Variants in FARP2 observed in about 807,000 individuals in gnomAD.
FARP2 encodes the protein FERM, ARHGEF and pleckstrin domain-containing protein 2.
In FARP2, 111 loss-of-function variants were observed where a neutral mutation model predicts 130.5. The ratio of observed to expected loss-of-function variants is 0.85; its 90% CI spans 0.73 to 1.00. FARP2 has a LOEUF of 1.00. Ranked by LOEUF, FARP2 falls within the 50% of genes least tolerant of loss-of-function variation. The probability of loss-of-function intolerance (pLI) is 0.00; values close to 1 mark genes in which losing one functional copy is unlikely to be tolerated. For missense variants in FARP2, 1,385 were observed against 1,346.3 expected (o/e 1.03, Z -0.45); for synonymous variants, 504 against 516.9 (o/e 0.98, Z 0.34).
intron 1 of FARP2, among the ~76,000 whole-genome samples, chr2:241,370,986 G>T (rs2061411372): frequency 6.6e-6 from 1 of 152,108 alleles, no homozygotes; most frequent in South Asian, 2.1e-4. Flanking sequence ...AATTAGGATG[G>T]GACCTTGCAC....
rs958458670 is a variant in FARP2 at position 241,441,620 on chromosome 2, G to C, written c.1411+64G>C. 6 of 1,611,202 alleles carry C rather than the reference G, an allele frequency of 3.7e-6. No individual in the cohort carries two copies. The African/African-American group carries it at 8.0e-5, about 22-fold the overall frequency. On this transcript the variant is annotated intron_variant, in intron 13 of 26. Coordinates refer to ENST00000264042, the MANE Select transcript of FARP2 (RefSeq NM_014808.4). Reference sequence around the variant, plus strand: ...GTCTGTGCTGGGGGGCAGAGTTTCAGTGCCTTAGACCTAGACACAGGGAGG... The same window carrying C: ...GTCTGTGCTGGGGGGCAGAGTTTCACTGCCTTAGACCTAGACACAGGGAGG...
intron 14 of FARP2, among the ~76,000 whole-genome samples, chr2:241,460,005 C>T (rs1342278402): frequency 5.3e-5 from 8 of 152,096 alleles, no homozygotes; most frequent in Admixed American, 3.3e-4. Context: ...CTCCGGGACT[C>T]GAGCATCCTG....
chr2:241,484,396 C>G, intron 21 of FARP2, 65 bp downstream of exon 21: 1 of 1,349,284 alleles, frequency 7.4e-7, no homozygotes. Flanking sequence ...ACCTACCTCT[C>G]TCCTGCAGAG....
At chr2:241,449,314 AAAAG>A (rs1460149600) in intron 13 of FARP2, among the ~76,000 whole-genome samples, 30 of 152,252 alleles carry the variant, frequency 2.0e-4, no homozygotes, top group Non-Finnish European at 2.9e-4. Context: ...GGAAAAAAAA[AAAAG>A]AAAGACAAAA....
At chr2:241,377,467 G>A (rs912888980) in intron 2 of FARP2, among the ~76,000 whole-genome samples, 7 of 151,838 alleles carry the variant, frequency 4.6e-5, no homozygotes, top group Admixed American at 1.3e-4. Context: ...TCAGCCTCCC[G>A]AGTAGCTGGG....
At chr2:241,399,267 G>A (rs553501436) in intron 2 of FARP2, among the ~76,000 whole-genome samples, 1 of 152,236 alleles carries the variant, frequency 6.6e-6, no homozygotes, top group East Asian at 1.9e-4. Context: ...CTTATGATTT[G>A]TAGATCTTTA....
chr2:241,483,371 G>A (rs2064672277), intron 19 of FARP2, 94 bp from the exon 20 acceptor site: 1 of 1,037,566 alleles, frequency 9.6e-7, no homozygotes, highest in South Asian at 1.3e-5. Flanking sequence ...AGGAGCACAA[G>A]CGGCCACAAG....
chr2:241,390,370 C>G (rs1018898822), intron 2 of FARP2, among the ~76,000 whole-genome samples: 2 of 152,228 alleles, frequency 1.3e-5, no homozygotes, highest in Non-Finnish European at 2.9e-5. Context: ...TCTGGATTAT[C>G]ATACCCCAGT....
chr2:241,492,884 T>A, intron 24 of FARP2, 45 bp from the exon 25 acceptor site: 1 of 1,122,262 alleles, frequency 8.9e-7, no homozygotes, highest in South Asian at 1.2e-5. Flanking sequence ...CCACAAGGGG[T>A]CCTGGGTGCT....
chr2:241,451,585 C>T (rs548938754), intron 13 of FARP2, among the ~76,000 whole-genome samples: 7 of 152,070 alleles, frequency 4.6e-5, no homozygotes, highest in Non-Finnish European at 1.0e-4. Context: ...AAGGGACTCT[C>T]GAAACTCAGA....
chr2:241,415,218 C>G lies in FARP2; in HGVS notation c.623+1797C>G, dbSNP rs552972896. Among the ~76,000 whole-genome samples, 185 of 152,312 alleles carry G rather than the reference C, an allele frequency of 1.2e-3. 1 individual carries two copies. The highest frequency in any genetic ancestry group is 4.3e-3 in the African/African-American group (180 of 41,560). ...GGGCAGTACAGGTAGAGCTCCTGCT[C>G]TATTCTCCCAGGTACCCTTGGCTTT... On this transcript the variant is annotated intron_variant, in intron 7 of 26. Transcript: ENST00000264042.
At chr2:241,384,055 AATGC>A (rs1368798943) in intron 2 of FARP2, among the ~76,000 whole-genome samples, 20 of 150,110 alleles carry the variant, frequency 1.3e-4, no homozygotes, top group African/African-American at 4.6e-4. Flanking sequence ...GGTCATGGTG[AATGC>A]CAAGTGTCAG....
intron 2 of FARP2, among the ~76,000 whole-genome samples, chr2:241,402,870 A>T (rs1417161965): frequency 4.0e-4 from 5 of 12,494 alleles, no homozygotes; most frequent in Non-Finnish European, 5.5e-4. Context: ...ATATATATAT[A>T]TATATATATA....
At chr2:241,456,506 G>A (rs2063841107) in intron 13 of FARP2, 5 of 472,584 alleles carry the variant, frequency 1.1e-5, no homozygotes, top group African/African-American at 2.0e-5. Flanking sequence ...AGTCCGGGGA[G>A]GATCCACACT....
rs961602054 is a variant in FARP2 at position 241,475,384 on chromosome 2, A to G, written c.2132-473A>G. 6.6e-6 allele frequency among the ~76,000 whole-genome samples: 1 copy of G among 152,216 alleles called. No individual in the cohort carries two copies. The highest frequency in any genetic ancestry group is 1.9e-4 in the East Asian group (1 of 5,198). ...CTATGGACTAGTACCAGTCCAGTCC[A>G]TAGCCTGTTAGGAACCAGGCCACAC... On this transcript the variant is annotated intron_variant, in intron 18 of 26. Transcript: ENST00000264042. The surrounding 1 kb of genome is among the most constrained non-coding windows in gnomAD (Gnocchi z 4.4).
intron 2 of FARP2, among the ~76,000 whole-genome samples, chr2:241,380,691 T>C (rs1012335961): frequency 1.0e-5 from 1 of 99,172 alleles, no homozygotes; most frequent in African/African-American, 3.3e-5. Context: ...ATAATAATAA[T>C]ATATTATATT....
chr2:241,452,590 G>T (rs543424235), intron 13 of FARP2, among the ~76,000 whole-genome samples: 2 of 151,948 alleles, frequency 1.3e-5, no homozygotes, highest in African/African-American at 4.8e-5. Flanking sequence ...ACTGTTTGAG[G>T]CCAGGAGTTC....
rs375929823 is a variant in FARP2, at chr2:241,462,564, T to G, written c.1629T>G (p.Ile543Met). The change falls in exon 15 of 27, where the codon ATT becomes ATG. Residue 543 changes from isoleucine (I) to methionine (M), a missense_variant. Transcript: ENST00000264042. ...AGGCCTACTTCATAGTCAAAGAGAT[T>G]CTCGCTACAGAACGAACATACCTCA... ...ADEAYFIVKE[I>M]LATERTYLKD... The G allele has an allele frequency of 2.1e-5, 34 of 1,613,928 alleles. No homozygotes were observed. The African/African-American group carries it at 2.5e-4, about 12-fold the overall frequency.
Position 241,356,404 on chromosome 2 carries a change from G to A in FARP2, c.-25+16G>A, listed in dbSNP as rs2150268236. ...GAGGCCGAGGGTGAGGACGTGAAGC[G>A]GCCTGGGCGCGTGGGGCAGGGGTGG... On this transcript the variant is annotated intron_variant, in intron 1 of 26. Transcript: ENST00000264042. 6.6e-6 allele frequency: 1 copy of A among 152,330 alleles called. No homozygotes were observed. Among genetic ancestry groups the A allele is most frequent in the South Asian group, 2.1e-4 (1 of 4,834 alleles). 9.4% of individuals were successfully genotyped at this position (152,330 alleles called of 1,614,324 possible).
Sources: gnomAD v4.1 joint callset for allele counts (sites outside exome capture counted in the v4.1 genomes callset) on GRCh38, gnomAD v4.1.1 for gene constraint, Gnocchi (gnomAD v3.1) non-coding constraint, MANE v1.5 for transcripts, NCBI Gene and HGNC (gene_info 2026-07-23, HGNC 2026-07-21) for gene names.